The following CSMD3 variants were observed in gnomAD, a reference collection of about 807,000 sequenced individuals.
CSMD3 encodes CUB and sushi domain-containing protein 3.
Under a neutral mutation model 435.2 loss-of-function variants are expected in CSMD3, and 177 were observed. That is an observed-to-expected ratio of 0.41 (90% confidence interval 0.36 to 0.46). The LOEUF is 0.46. Ranked by LOEUF, CSMD3 falls within the 20% of genes least tolerant of loss-of-function variation. The probability of loss-of-function intolerance (pLI) is 0.34; values close to 1 mark genes in which losing one functional copy is unlikely to be tolerated. For missense variants in CSMD3, 4,265 were observed against 4,504.6 expected, an observed-to-expected ratio of 0.95 and a Z score of 1.52; for synonymous variants, 1,656 against 1,520.5, an observed-to-expected ratio of 1.09 and a Z score of -2.07.
At chr8:113,060,359 G>T (rs2088560194) in intron 5 of CSMD3, among the ~76,000 whole-genome samples, 1 of 150,098 alleles carries the variant, frequency 6.7e-6, no homozygotes, top group Non-Finnish European at 1.5e-5. Context: ...ATTCCATGGT[G>T]TATATGTGCC....
At chr8:113,004,562 A>G (rs1431074924) in intron 6 of CSMD3, among the ~76,000 whole-genome samples, 1 of 152,000 alleles carries the variant, frequency 6.6e-6, no homozygotes, top group East Asian at 1.9e-4. Flanking sequence ...CTTTGACTTT[A>G]ATCAGTGGTT....
At chr8:112,229,109 A>G (rs1812842657) in intron 69 of CSMD3, among the ~76,000 whole-genome samples, 1 of 152,236 alleles carries the variant, frequency 6.6e-6, no homozygotes, top group Admixed American at 6.5e-5. Context: ...ACAAAAAAAT[A>G]GGCAGAGCCC....
At chr8:112,647,456 G>C (rs1338214334) in intron 19 of CSMD3, among the ~76,000 whole-genome samples, 1 of 151,960 alleles carries the variant, frequency 6.6e-6, no homozygotes, top group African/African-American at 2.4e-5. Flanking sequence ...ATTGGCGCTC[G>C]CCACCACGCC....
intron 6 of CSMD3, among the ~76,000 whole-genome samples, chr8:113,006,277 T>C (rs2086052406): frequency 6.6e-6 from 1 of 152,012 alleles, no homozygotes; most frequent in Admixed American, 6.6e-5. Flanking sequence ...TGTCTCTATA[T>C]GTATTTATTT....
At chr8:113,347,218 T>C (rs2094157910) in intron 1 of CSMD3, among the ~76,000 whole-genome samples, 1 of 152,166 alleles carries the variant, frequency 6.6e-6, no homozygotes, top group Non-Finnish European at 1.5e-5. Context: ...GGTTGTATTT[T>C]CCAACTTATC....
chr8:112,394,585 A>G (rs2129803316), intron 35 of CSMD3, among the ~76,000 whole-genome samples: 1 of 152,242 alleles, frequency 6.6e-6, no homozygotes, highest in South Asian at 2.1e-4. Flanking sequence ...GAACACGTCA[A>G]GATCTCTCTC....
At chr8:113,345,972 A>G (rs190389620) in intron 1 of CSMD3, among the ~76,000 whole-genome samples, 1 of 151,912 alleles carries the variant, frequency 6.6e-6, no homozygotes, top group Non-Finnish European at 1.5e-5. Context: ...GTCTATCTCT[A>G]TTGATCTTCC....
At chr8:112,770,978 A>G (rs1171977974) in intron 13 of CSMD3, among the ~76,000 whole-genome samples, 2 of 152,012 alleles carry the variant, frequency 1.3e-5, no homozygotes, top group East Asian at 1.9e-4. Context: ...AATGTCTGGA[A>G]AAAAATGGTG....
chr8:113,284,793 C>T (rs1424282121), intron 2 of CSMD3, among the ~76,000 whole-genome samples: 5 of 151,998 alleles, frequency 3.3e-5, no homozygotes, highest in Admixed American at 3.3e-4. Context: ...ATATATTGCT[C>T]GTTACTACAT....
chr8:113,322,180 T>A (rs913048092), intron 1 of CSMD3, among the ~76,000 whole-genome samples: 1 of 152,158 alleles, frequency 6.6e-6, no homozygotes, highest in Non-Finnish European at 1.5e-5. Flanking sequence ...CTCATCAAAG[T>A]AACCATTATC....
intron 13 of CSMD3, among the ~76,000 whole-genome samples, chr8:112,759,400 A>G (rs1256275319): frequency 6.6e-6 from 1 of 152,124 alleles, no homozygotes; most frequent in African/African-American, 2.4e-5. Context: ...GGGTTCGTAA[A>G]TAGTTAAAGG....
chr8:112,322,814 G>T (rs1180416950), intron 45 of CSMD3, among the ~76,000 whole-genome samples: 1 of 151,938 alleles, frequency 6.6e-6, no homozygotes, highest in Non-Finnish European at 1.5e-5. Context: ...CTTGTTCATT[G>T]GGTCCCTATG....
intron 10 of CSMD3, among the ~76,000 whole-genome samples, chr8:112,884,681 T>A (rs1331809634): frequency 1.3e-5 from 2 of 151,706 alleles, no homozygotes; most frequent in African/African-American, 4.8e-5. Context: ...ACATCTTTTT[T>A]TTTTTCCACC....
At chr8:112,779,482 T>C (rs1746846944) in intron 13 of CSMD3, among the ~76,000 whole-genome samples, 1 of 152,014 alleles carries the variant, frequency 6.6e-6, no homozygotes, top group Non-Finnish European at 1.5e-5. Flanking sequence ...CATGCATGGC[T>C]TTGCCTACTG....
At chr8:113,382,242 C>A (rs1435266652) in intron 1 of CSMD3, among the ~76,000 whole-genome samples, 8 of 152,114 alleles carry the variant, frequency 5.3e-5, no homozygotes, top group Non-Finnish European at 1.0e-4. Context: ...ATAATTAAGA[C>A]AATGTTAATT....
intron 5 of CSMD3, among the ~76,000 whole-genome samples, chr8:113,062,181 C>G (rs2088644597): frequency 6.6e-6 from 1 of 151,778 alleles, no homozygotes; most frequent in Admixed American, 6.6e-5. Context: ...TCTAAGCATT[C>G]AAATTGGTTT....
chr8:113,074,267 T>C (rs2089251826), intron 5 of CSMD3, among the ~76,000 whole-genome samples: 1 of 151,800 alleles, frequency 6.6e-6, no homozygotes, highest in African/African-American at 2.4e-5. Flanking sequence ...ACTGTTTCTC[T>C]AAAATTGTAA....
chr8:113,089,385 T>G (rs2089923158), intron 5 of CSMD3, among the ~76,000 whole-genome samples: 1 of 151,994 alleles, frequency 6.6e-6, no homozygotes, highest in South Asian at 2.1e-4. Flanking sequence ...TTTTTTTCTA[T>G]TTTCCACAAA....
intron 22 of CSMD3, among the ~76,000 whole-genome samples, chr8:112,624,180 A>C (rs2131529919): frequency 6.6e-6 from 1 of 152,196 alleles, no homozygotes; most frequent in South Asian, 2.1e-4. Context: ...TTTTATTTTT[A>C]TTTACATTTT....
Sources: gnomAD v4.1 joint callset for allele counts (sites outside exome capture counted in the v4.1 genomes callset) on GRCh38, gnomAD v4.1.1 for gene constraint, MANE v1.5 for transcripts, NCBI Gene and HGNC (gene_info 2026-07-23, HGNC 2026-07-21) for gene names.